The following FOXP1 variants were observed in gnomAD, a reference collection of about 807,000 sequenced individuals.
The protein encoded by FOXP1 is forkhead box P1, also known as forkhead box protein P1.
FOXP1 carries 15 observed loss-of-function variants against 98.2 expected under a neutral mutation model. The observed-to-expected ratio is 0.15, with a 90% CI of 0.10 to 0.24. The LOEUF is 0.24. FOXP1 is among the 10% of genes least tolerant of loss of function. FOXP1 has a pLI of 1.00. For missense variants in FOXP1, 633 were observed against 848.5 expected (o/e 0.75, Z 3.15); for synonymous variants, 371 against 314.5 (o/e 1.18, Z -1.90).
At chr3:71,015,415 A>C in intron 12 of FOXP1, 134 bp downstream of exon 12, 1 of 653,662 alleles carries the variant, frequency 1.5e-6, no homozygotes, top group Non-Finnish European at 2.9e-6. Flanking sequence ...AGTGCACTAG[A>C]CCTTGTGATT....
intron 2 of FOXP1, among the ~76,000 whole-genome samples, chr3:71,567,589 T>C (rs1290576769): frequency 6.6e-6 from 1 of 152,182 alleles, no homozygotes; most frequent in African/African-American, 2.4e-5. Context: ...GCTTTATTAG[T>C]GAGGGAGCCC....
intron 3 of FOXP1, among the ~76,000 whole-genome samples, chr3:71,379,367 T>C (rs774532282): frequency 2.6e-5 from 4 of 152,214 alleles, no homozygotes; most frequent in Non-Finnish European, 4.4e-5. Flanking sequence ...CTTCAAATTA[T>C]GTCAAGGACA....
chr3:71,454,741 G>A (rs1471333212), intron 3 of FOXP1, among the ~76,000 whole-genome samples: 1 of 151,778 alleles, frequency 6.6e-6, no homozygotes, highest in Non-Finnish European at 1.5e-5. Flanking sequence ...CAGAACATAT[G>A]TAAAAGTCTG....
chr3:71,281,059 A>AAAAAAG (rs2071499948), intron 5 of FOXP1, among the ~76,000 whole-genome samples: 4 of 148,424 alleles, frequency 2.7e-5, no homozygotes, highest in African/African-American at 1.0e-4. Flanking sequence ...AAAAAAAAAA[A>AAAAAAG]AAGAAGAAGA....
chr3:70,991,236 C>T (rs2040554076), intron 13 of FOXP1, among the ~76,000 whole-genome samples: 1 of 152,076 alleles, frequency 6.6e-6, no homozygotes, highest in Middle Eastern at 3.2e-3. Context: ...AAAGATGAAG[C>T]CCACTTCCTA....
intron 12 of FOXP1, among the ~76,000 whole-genome samples, chr3:71,005,589 A>G (rs2042710916): frequency 6.6e-6 from 1 of 152,246 alleles, no homozygotes; most frequent in South Asian, 2.1e-4. Flanking sequence ...CACATTTGGA[A>G]AGAATGTGAC....
intron 3 of FOXP1, among the ~76,000 whole-genome samples, chr3:71,450,421 G>A (rs1214042998): frequency 2.0e-5 from 3 of 152,182 alleles, no homozygotes; most frequent in Admixed American, 2.0e-4. Context: ...GCCAGTGAAT[G>A]CCACTCTCTA....
chr3:71,507,588 T>C (rs1385035901), intron 2 of FOXP1, among the ~76,000 whole-genome samples: 1 of 152,138 alleles, frequency 6.6e-6, no homozygotes, highest in Admixed American at 6.5e-5. Flanking sequence ...ACTGCTTTTT[T>C]TTTTTTTGAG....
intron 2 of FOXP1, among the ~76,000 whole-genome samples, chr3:71,494,837 C>G (rs926445447): frequency 4.0e-5 from 6 of 151,832 alleles, no homozygotes; most frequent in Non-Finnish European, 8.8e-5. Flanking sequence ...ATTCTCCAAG[C>G]CTCCAAGCAG....
intron 4 of FOXP1, among the ~76,000 whole-genome samples, chr3:71,317,466 G>T (rs1184714995): frequency 6.6e-6 from 1 of 151,856 alleles, no homozygotes; most frequent in South Asian, 2.1e-4. Flanking sequence ...TAAGTAAATG[G>T]CCCCACTGGA....
chr3:71,116,201 G>T (rs1472852936), intron 6 of FOXP1, among the ~76,000 whole-genome samples: 1 of 152,166 alleles, frequency 6.6e-6, no homozygotes, highest in African/African-American at 2.4e-5. Flanking sequence ...CTGGTTTGAA[G>T]GGGGTAAAAA....
intron 4 of FOXP1, among the ~76,000 whole-genome samples, chr3:71,311,185 C>T (rs1473753449): frequency 6.6e-6 from 1 of 152,140 alleles, no homozygotes; most frequent in Non-Finnish European, 1.5e-5. Context: ...AACTACTAGA[C>T]TCAAGCGGTT....
At chr3:71,290,281 T>C (rs2072606374) in intron 5 of FOXP1, among the ~76,000 whole-genome samples, 1 of 152,232 alleles carries the variant, frequency 6.6e-6, no homozygotes, top group Non-Finnish European at 1.5e-5. Flanking sequence ...CCATAAGCAA[T>C]CCATCAGTGA....
rs906244043 is a variant in FOXP1 at position 71,240,981 on chromosome 3, C to A, written c.-11-42589G>T. Among the ~76,000 whole-genome samples, 3 of 151,456 alleles carry A rather than the reference C, an allele frequency of 2.0e-5. No homozygotes were observed. The East Asian group carries it at 5.9e-4, about 30-fold the overall frequency. ...ATCCCAGCACTTTGGGAGGCTTAGG[C>A]GGGCGGATCACGAGGTCAGGAGTTC... On this transcript the variant is annotated intron_variant, in intron 5 of 20. Coordinates refer to ENST00000649528, the MANE Select transcript of FOXP1 (RefSeq NM_001349338.3).
chr3:71,015,146 A>C (rs2107735561), intron 12 of FOXP1, among the ~76,000 whole-genome samples: 1 of 151,990 alleles, frequency 6.6e-6, no homozygotes, highest in East Asian at 1.9e-4. Context: ...ATTTAAAAAA[A>C]AAAAGAAGAT....
chr3:71,141,459 G>A (rs2060067128), intron 6 of FOXP1, among the ~76,000 whole-genome samples: 1 of 152,076 alleles, frequency 6.6e-6, no homozygotes, highest in African/African-American at 2.4e-5. Context: ...TCAATCAGGT[G>A]CTTTTCAAAC....
chr3:71,130,524 G>C (rs1297503249), intron 6 of FOXP1: 1 of 1,598,396 alleles, frequency 6.3e-7, no homozygotes. Flanking sequence ...TTGGCGAAGG[G>C]AGCCCGTACT....
chr3:71,397,023 T>TATATAC lies in FOXP1; in HGVS notation c.-167-37780_-167-37779insGTATAT, dbSNP rs1553871544. ...ATATATATGTGTATATATATATATA[T>TATATAC]ACATATATATGTGTATATATATATA... On this transcript the variant is annotated intron_variant, in intron 3 of 20. Coordinates refer to ENST00000649528, the MANE Select transcript of FOXP1 (RefSeq NM_001349338.3). 5.4e-4 allele frequency among the ~76,000 whole-genome samples: 13 copies of TATATAC among 24,056 alleles called. 1 individual carries two copies. The highest frequency in any genetic ancestry group is 8.6e-4 in the Non-Finnish European group (8 of 9,254). 15.8% of individuals were successfully genotyped at this position (24,056 alleles called of 152,430 possible). A position where few individuals can be genotyped will look rare whatever the true frequency, so the allele number is the denominator to read the frequency against.
chr3:71,050,462 T>C (rs1015236713), intron 9 of FOXP1, among the ~76,000 whole-genome samples: 2 of 152,160 alleles, frequency 1.3e-5, no homozygotes, highest in African/African-American at 4.8e-5. Flanking sequence ...GAGTTAAAGA[T>C]CTTTAAAAAA....
Sources: allele counts gnomAD v4.1 joint callset (sites outside exome capture counted in the v4.1 genomes callset), GRCh38; gene constraint gnomAD v4.1.1; transcripts MANE v1.5; gene names NCBI Gene and HGNC (gene_info 2026-07-23, HGNC 2026-07-21).